Variants in ZFP64 observed in about 807,000 individuals in gnomAD.
ZFP64 encodes the protein zinc finger protein 64.
ZFP64 carries 14 observed loss-of-function variants against 51.6 expected under a neutral mutation model. That is an observed-to-expected ratio of 0.27 (90% CI 0.18 to 0.42). The LOEUF (loss-of-function observed/expected upper bound fraction) is 0.42. Ranked by LOEUF, ZFP64 falls within the 10% of genes least tolerant of loss-of-function variation. The pLI is 1.00. For missense variants in ZFP64, 754 were observed against 906.8 expected, an observed-to-expected ratio of 0.83 and a Z score of 2.16; for synonymous variants, 375 against 361.4, an observed-to-expected ratio of 1.04 and a Z score of -0.43.
At chr20:52,104,874 G>A (rs371372130) in intron 5 of ZFP64, 154 of 669,034 alleles carry the variant, frequency 2.3e-4, no homozygotes, top group Admixed American at 1.0e-3. Context: ...CAGCGTGTTT[G>A]GGAGGCAAAC....
At chr20:52,110,838 G>A (rs1353125365) in intron 5 of ZFP64, 27 of 1,604,996 alleles carry the variant, frequency 1.7e-5, no homozygotes, top group Non-Finnish European at 2.3e-5. Context: ...TGTTCAGCTT[G>A]TCACCATAAT....
intron 5 of ZFP64, among the ~76,000 whole-genome samples, chr20:52,159,700 A>C (rs1259588703): frequency 6.6e-6 from 1 of 152,154 alleles, no homozygotes; most frequent in Non-Finnish European, 1.5e-5. Context: ...AAATTAGAAA[A>C]AGTTAGCTGG....
At chr20:52,171,828 A>G (rs1982765000) in intron 2 of ZFP64, among the ~76,000 whole-genome samples, 1 of 151,058 alleles carries the variant, frequency 6.6e-6, no homozygotes, top group Non-Finnish European at 1.5e-5. Context: ...GCTCATTGCA[A>G]TCTCTGCCTC....
intron 2 of ZFP64, among the ~76,000 whole-genome samples, chr20:52,180,168 C>A (rs1326451002): frequency 6.6e-6 from 1 of 152,250 alleles, no homozygotes; most frequent in African/African-American, 2.4e-5. Flanking sequence ...CAGCCCAGTT[C>A]CTAGCAACAC....
rs3035409 is a variant in ZFP64, at chr20:52,099,319, CTT to C, written c.764-734_764-733del. Among the ~76,000 whole-genome samples, 49 of 150,030 alleles carry C rather than the reference CTT, an allele frequency of 3.3e-4. No individual in the cohort carries two copies. The South Asian group carries it at 9.5e-3, about 29-fold the overall frequency. ...AGCTGGATGCCATGGCAATGTCAAA[CTT>C]TTTTTTTTTTTTTTAAGATGCTTAC... is the stretch of plus-strand genomic sequence containing the variant. On this transcript the variant is annotated intron_variant, in intron 5 of 8. Transcript: ENST00000361387.
At chr20:52,094,478 TG>T (rs200779988) in intron 7 of ZFP64, among the ~76,000 whole-genome samples, 13 of 152,146 alleles carry the variant, frequency 8.5e-5, no homozygotes, top group East Asian at 5.8e-4. Flanking sequence ...AATATAGGGC[TG>T]GGGGGGAAGG....
At chr20:52,161,799 T>G (rs1046273725) in intron 4 of ZFP64, among the ~76,000 whole-genome samples, 6 of 152,238 alleles carry the variant, frequency 3.9e-5, no homozygotes, top group African/African-American at 1.2e-4. Flanking sequence ...TATTTCAGAA[T>G]GAGACATAGA....
intron 2 of ZFP64, among the ~76,000 whole-genome samples, chr20:52,178,388 G>C (rs1486695012): frequency 6.6e-6 from 1 of 152,078 alleles, no homozygotes; most frequent in East Asian, 1.9e-4. Flanking sequence ...TGGTCAAATG[G>C]GGATAATAAT....
At chr20:52,100,669 G>C (rs1467672021) in intron 5 of ZFP64, among the ~76,000 whole-genome samples, 1 of 152,160 alleles carries the variant, frequency 6.6e-6, no homozygotes, top group African/African-American at 2.4e-5. Flanking sequence ...GCGGGTGAAG[G>C]AATCTTAGCA....
downstream of ZFP64, among the ~76,000 whole-genome samples, chr20:52,149,275 A>G (rs1244525945): frequency 4.7e-5 from 5 of 106,220 alleles, no homozygotes; most frequent in Admixed American, 3.1e-4. Context: ...CTACTTACAG[A>G]AAAAAAAAAA....
At chr20:52,177,132 T>A (rs1477248498) in intron 2 of ZFP64, among the ~76,000 whole-genome samples, 2 of 147,484 alleles carry the variant, frequency 1.4e-5, no homozygotes, top group Non-Finnish European at 3.0e-5. Flanking sequence ...TGGGTTTCCA[T>A]CCCTTCAACC....
intron 2 of ZFP64, among the ~76,000 whole-genome samples, chr20:52,181,778 C>T (rs753055708): frequency 5.3e-5 from 8 of 152,184 alleles, no homozygotes; most frequent in Non-Finnish European, 1.0e-4. Context: ...GCCCGGGCAC[C>T]GGTATCCTTA....
intron 5 of ZFP64, among the ~76,000 whole-genome samples, chr20:52,157,854 G>A (rs1176618644): frequency 1.3e-5 from 2 of 151,926 alleles, no homozygotes; most frequent in African/African-American, 4.8e-5. Context: ...AGTGTGTGAT[G>A]TTCCCCTCCC....
intron 5 of ZFP64, among the ~76,000 whole-genome samples, chr20:52,157,958 T>C (rs1233997277): frequency 6.6e-6 from 1 of 152,204 alleles, no homozygotes; most frequent in African/African-American, 2.4e-5. Context: ...CTAAGAATGA[T>C]GGTTTCCAGC....
downstream of ZFP64, among the ~76,000 whole-genome samples, chr20:52,149,569 CAGAGCACCT>C (rs1024474411): frequency 9.9e-5 from 15 of 152,158 alleles, no homozygotes; most frequent in Non-Finnish European, 2.2e-4. Context: ...GGTAAGAACA[CAGAGCACCT>C]AACATTACTT....
At chr20:52,164,886 A>C (rs757395354) in intron 3 of ZFP64, 129 bp from the exon 4 acceptor site, 3 of 765,518 alleles carry the variant, frequency 3.9e-6, no homozygotes, top group Non-Finnish European at 4.5e-6. Flanking sequence ...AAGAGATCTC[A>C]TGTGCCTTCA....
Position 52,191,553 on chromosome 20 carries a change from G to A in ZFP64, c.46+38C>T, listed in dbSNP as rs1303485889. On this transcript the variant is annotated intron_variant, in intron 1 of 5. Coordinates refer to ENST00000216923, the MANE Select transcript of ZFP64 (RefSeq NM_018197.3). This position sits in a 1 kb window ranked among gnomAD's most constrained non-coding sequence, Gnocchi z 4.3. ...GGCCCGGGCCCCGGAGCGCGCACTG[G>A]GCCCCGGAGCGCGCACTGCTCCCGG... is the stretch of plus-strand genomic sequence containing the variant. 2.0e-6 allele frequency: 3 copies of A among 1,535,134 alleles called. No individual in the cohort carries two copies. The highest frequency in any genetic ancestry group is 2.6e-6 in the Non-Finnish European group (3 of 1,145,594).
At chr20:52,165,492 C>T (rs1982182861) in intron 3 of ZFP64, 2 of 469,132 alleles carry the variant, frequency 4.3e-6, no homozygotes, top group South Asian at 1.5e-5. Context: ...TTTTTTGGTA[C>T]AATTTTTGCA....
chr20:52,163,797 A>G (rs1982021114), intron 4 of ZFP64, among the ~76,000 whole-genome samples: 1 of 152,240 alleles, frequency 6.6e-6, no homozygotes, highest in African/African-American at 2.4e-5. Flanking sequence ...TTGTTAAAAA[A>G]AAGTCTGAAG....
Sources: gnomAD v4.1 joint callset for allele counts (sites outside exome capture counted in the v4.1 genomes callset) on GRCh38, gnomAD v4.1.1 for gene constraint, Gnocchi (gnomAD v3.1) non-coding constraint, MANE v1.5 for transcripts, NCBI Gene and HGNC (gene_info 2026-07-23, HGNC 2026-07-21) for gene names.